PDE4D: variants seen among roughly 807,000 people sequenced by gnomAD.
PDE4D encodes phosphodiesterase 4D.
A neutral mutation model predicts 87.4 loss-of-function variants in PDE4D; 24 were observed. The observed-to-expected ratio is 0.27, with a 90% CI of 0.20 to 0.39. PDE4D has a LOEUF of 0.39. Among genes scored for constraint, PDE4D ranks in the 10% least tolerant of loss-of-function variants. The pLI is 1.00. For missense variants in PDE4D, 714 were observed against 1,041.0 expected (o/e 0.69, Z 4.32); for synonymous variants, 384 against 383.2 (o/e 1.00, Z -0.02).
intron 1 of PDE4D, among the ~76,000 whole-genome samples, chr5:59,299,593 T>C (rs1323299833): frequency 1.3e-5 from 2 of 152,216 alleles, no homozygotes; most frequent in African/African-American, 2.4e-5. Flanking sequence ...AAAATATACA[T>C]GAAAGCTGAT....
chr5:59,735,071 A>T (rs1282661603), intron 1 of PDE4D, among the ~76,000 whole-genome samples: 1 of 152,094 alleles, frequency 6.6e-6, no homozygotes, highest in Non-Finnish European at 1.5e-5. Flanking sequence ...TGCCCATAGG[A>T]TATTTGTTTT....
chr5:59,430,573 C>T lies in PDE4D; in HGVS notation c.456-214605G>A, dbSNP rs144783145. 8.4e-4 allele frequency: 385 copies of T among 459,798 alleles called. 3 individuals carry two copies. Among genetic ancestry groups the T allele is most frequent in the African/African-American group, 6.4e-3 (320 of 49,728 alleles). 28.5% of individuals were successfully genotyped at this position (459,798 alleles called of 1,614,324 possible). ...GCTTCAAAAGTAAACGCGTGTTTCT[C>T]GGAGGCTAAATGTACTACCTTGTTT... is the stretch of plus-strand genomic sequence containing the variant. On this transcript the variant is annotated intron_variant, in intron 1 of 14. Coordinates refer to ENST00000340635, the MANE Select transcript of PDE4D (RefSeq NM_001104631.2).
At chr5:59,526,239 C>A (rs1403980566) in intron 1 of PDE4D, among the ~76,000 whole-genome samples, 1 of 152,118 alleles carries the variant, frequency 6.6e-6, no homozygotes, top group Non-Finnish European at 1.5e-5. Context: ...CACAATGAGG[C>A]AATGAGGAGC....
intron 2 of PDE4D, among the ~76,000 whole-genome samples, chr5:60,006,191 C>T (rs575954495): frequency 1.8e-4 from 27 of 151,772 alleles, no homozygotes; most frequent in African/African-American, 6.0e-4. Context: ...AGTTGTATAT[C>T]GAGAATTGTT....
chr5:59,653,919 G>A (rs1414386600), intron 1 of PDE4D, among the ~76,000 whole-genome samples: 2 of 151,486 alleles, frequency 1.3e-5, no homozygotes, highest in Non-Finnish European at 3.0e-5. Context: ...GAAAAAGGGA[G>A]GGGAGGCCAG....
intron 1 of PDE4D, among the ~76,000 whole-genome samples, chr5:60,397,876 A>T (rs554458176): frequency 6.6e-6 from 1 of 152,320 alleles, no homozygotes; most frequent in Admixed American, 6.5e-5. Context: ...ATTTAATCAC[A>T]TTATAGGCAA....
chr5:60,255,415 T>C (rs1302804357), intron 1 of PDE4D, among the ~76,000 whole-genome samples: 4 of 151,906 alleles, frequency 2.6e-5, no homozygotes, highest in South Asian at 2.1e-4. Flanking sequence ...ATCCCTCTTT[T>C]ATATGTCACA....
intron 1 of PDE4D, among the ~76,000 whole-genome samples, chr5:60,323,774 G>C (rs558715537): frequency 6.8e-6 from 1 of 147,508 alleles, no homozygotes; most frequent in Non-Finnish European, 1.5e-5. Context: ...CCCCCCACCC[G>C]CAGCCTCTCT....
At chr5:59,965,619 T>C (rs1282021206) in intron 3 of PDE4D, among the ~76,000 whole-genome samples, 1 of 152,160 alleles carries the variant, frequency 6.6e-6, no homozygotes, top group Non-Finnish European at 1.5e-5. Flanking sequence ...ACGAGCATTA[T>C]AACCACTTCA....
intron 2 of PDE4D, among the ~76,000 whole-genome samples, chr5:60,002,993 TA>T (rs919989889): frequency 4.6e-5 from 7 of 151,436 alleles, no homozygotes; most frequent in South Asian, 4.2e-4. Flanking sequence ...TTTCTATATT[TA>T]AAAAAAAACT....
intron 1 of PDE4D, among the ~76,000 whole-genome samples, chr5:59,459,674 T>G (rs1480617651): frequency 6.6e-6 from 1 of 152,206 alleles, no homozygotes; most frequent in Non-Finnish European, 1.5e-5. Context: ...ATTTTGACTC[T>G]AATTCTAATA....
intron 6 of PDE4D, among the ~76,000 whole-genome samples, chr5:59,016,282 A>AT (rs143454939): frequency 0.1 from 15,455 of 151,978 alleles, 1,026 homozygotes; most frequent in Non-Finnish European, 0.13. Context: ...GTAATAAAAA[A>AT]ATTAAAAAAG....
intron 1 of PDE4D, among the ~76,000 whole-genome samples, chr5:59,596,375 T>C (rs920879713): frequency 1.3e-5 from 2 of 151,148 alleles, no homozygotes; most frequent in Non-Finnish European, 2.9e-5. Context: ...CACATATACA[T>C]GTATTTTTAT....
intron 3 of PDE4D, among the ~76,000 whole-genome samples, chr5:59,972,067 G>A (rs935554529): frequency 2.6e-5 from 4 of 152,146 alleles, no homozygotes; most frequent in Non-Finnish European, 4.4e-5. Context: ...TACAACAGAT[G>A]CCACTGGCCC....
chr5:60,419,379 A>T (rs1458461803), intron 1 of PDE4D, among the ~76,000 whole-genome samples: 4 of 152,142 alleles, frequency 2.6e-5, no homozygotes, highest in Non-Finnish European at 5.9e-5. Context: ...ACACAAAAAA[A>T]TATAAAGTAT....
intron 5 of PDE4D, among the ~76,000 whole-genome samples, chr5:59,052,164 G>A (rs1371470612): frequency 1.3e-5 from 2 of 152,156 alleles, no homozygotes; most frequent in Non-Finnish European, 2.9e-5. Flanking sequence ...CATTCAGCCT[G>A]GGAGTGCTAC....
chr5:59,019,618 A>G (rs568411613), intron 6 of PDE4D, among the ~76,000 whole-genome samples: 1 of 152,176 alleles, frequency 6.6e-6, no homozygotes, highest in African/African-American at 2.4e-5. Flanking sequence ...TGAATACCCC[A>G]TCCTACCCTG....
intron 1 of PDE4D, among the ~76,000 whole-genome samples, chr5:59,245,805 T>G (rs749122669): frequency 6.6e-6 from 1 of 151,954 alleles, no homozygotes; most frequent in Non-Finnish European, 1.5e-5. Flanking sequence ...CTCTGTGAGG[T>G]TGAATCAGAA....
intron 1 of PDE4D, among the ~76,000 whole-genome samples, chr5:59,729,634 T>TC (rs1757097830): frequency 6.6e-6 from 1 of 151,984 alleles, no homozygotes; most frequent in African/African-American, 2.4e-5. Context: ...TATTTTTTTT[T>TC]CACTTAGTAT....
Sources: allele counts gnomAD v4.1 joint callset (sites outside exome capture counted in the v4.1 genomes callset), GRCh38; gene constraint gnomAD v4.1.1; transcripts MANE v1.5; gene names NCBI Gene and HGNC (gene_info 2026-07-23, HGNC 2026-07-21).